PAPOLA: variants seen among roughly 807,000 people sequenced by gnomAD.
PAPOLA encodes polynucleotide adenylyltransferase alpha.
In PAPOLA, 15 loss-of-function variants were observed where a neutral mutation model predicts 100.6. The observed-to-expected ratio is 0.15, with a 90% CI of 0.10 to 0.23. PAPOLA has a LOEUF of 0.23. PAPOLA is among the 10% of genes least tolerant of loss of function. The pLI is 1.00. For synonymous variants in PAPOLA, 293 were observed against 300.0 expected, an observed-to-expected ratio of 0.98 and a Z score of 0.24; for missense variants, 533 against 884.2, an observed-to-expected ratio of 0.60 and a Z score of 5.04.
At position 96,566,268 on chromosome 14, in the gene PAPOLA, A is replaced by G. The variant is rs1225651455; in HGVS notation, c.*1218A>G. 9.9e-6 allele frequency: 2 copies of G among 202,794 alleles called. No homozygotes were observed. Among genetic ancestry groups the G allele is most frequent in the African/African-American group, 4.6e-5 (2 of 43,702 alleles). The allele number at this position is 202,794 out of a possible 1,614,324, so 12.6% of individuals were successfully genotyped here. A position where few individuals can be genotyped will look rare whatever the true frequency, so the allele number is the denominator to read the frequency against. ...ATTTTAAAAATCATTTCTAGCAAGC[A>G]CTTGACATCTAGTCAGCTCTCTACT... On this transcript the variant is annotated 3_prime_UTR_variant, in exon 22 of 22. Coordinates refer to ENST00000216277, the MANE Select transcript of PAPOLA (RefSeq NM_032632.5).
At position 96,532,284 on chromosome 14, in the gene PAPOLA, TTGTGTGTGTGTG is replaced by T. The variant is rs10533972; in HGVS notation, c.608-35_608-24del. Reference sequence around the variant, plus strand: ...TTGTTTTTTTTTGTTTTGTTTTGTTTTGTGTGTGTGTGTGTGTGTGTGTTTTTTTTTACCCCT... The same window carrying T: ...TTGTTTTTTTTTGTTTTGTTTTGTTTTGTGTGTGTGTTTTTTTTTACCCCT... On this transcript the variant is annotated intron_variant, in intron 7 of 21. Transcript: ENST00000216277. The T allele has an allele frequency of 2.1e-6, 3 of 1,431,890 alleles. No homozygotes were observed. In the Middle Eastern group the frequency reaches 5.9e-4, roughly 281 times the overall value. 88.7% of individuals were successfully genotyped at this position (1,431,890 alleles called of 1,614,324 possible). A position where few individuals can be genotyped will look rare whatever the true frequency, so the allele number is the denominator to read the frequency against.
Position 96,566,193 on chromosome 14 carries a change from A to T in PAPOLA, c.*1143A>T, listed in dbSNP as rs1273457529. 3.0e-6 allele frequency: 1 copy of T among 335,984 alleles called. No individual in the cohort carries two copies. The highest frequency in any genetic ancestry group is 2.1e-5 in the African/African-American group (1 of 47,356). 20.8% of individuals were successfully genotyped at this position (335,984 alleles called of 1,614,324 possible). ...CTCCAAGATTTTAAAACTAATTCTT[A>T]TTTTTAAATGGTTTACCAAAATTTG... On this transcript the variant is annotated 3_prime_UTR_variant, in exon 22 of 22. Transcript: ENST00000216277.
intron 1 of PAPOLA, among the ~76,000 whole-genome samples, chr14:96,510,711 A>T (rs1243283021): frequency 6.6e-6 from 1 of 152,204 alleles, no homozygotes; most frequent in East Asian, 1.9e-4. Flanking sequence ...TATTGGCTGG[A>T]TGGCCCACCT....
At chr14:96,542,039 T>C in intron 12 of PAPOLA, 1 of 370,962 alleles carries the variant, frequency 2.7e-6, no homozygotes, top group Non-Finnish European at 4.9e-6. Context: ...ATAAAGTCAC[T>C]GCCTTTTTCA....
intron 1 of PAPOLA, 174 bp downstream of exon 1, chr14:96,502,774 C>T (rs1896387196): frequency 4.1e-6 from 2 of 488,146 alleles, no homozygotes; most frequent in African/African-American, 9.8e-5. Context: ...GCCGCACTTC[C>T]CCCCGTGTGC....
At chr14:96,556,439 T>G in intron 19 of PAPOLA, 26 bp downstream of exon 19, 1 of 1,431,888 alleles carries the variant, frequency 7.0e-7, no homozygotes, top group East Asian at 2.3e-5. Context: ...ACATATTAGT[T>G]AGCCATGGCA....
Position 96,502,911 on chromosome 14 carries a change from A to C in PAPOLA, c.8+311A>C, listed in dbSNP as rs1029252609. The C allele has an allele frequency of 1.2e-4, 47 of 376,242 alleles. 1 individual carries two copies. Among genetic ancestry groups the C allele is most frequent in the Admixed American group, 9.0e-5 (2 of 22,314 alleles). The allele number at this position is 376,242 out of a possible 1,614,324, so 23.3% of individuals were successfully genotyped here. On this transcript the variant is annotated intron_variant, in intron 1 of 21. Transcript: ENST00000216277. ...CCACTCCAGCTTCTCCGCCCCGTCC[A>C]CAAAGAAAATCAAAACAACCCGAAA...
intron 17 of PAPOLA, chr14:96,553,391 G>A (rs1006989360): frequency 6.6e-6 from 1 of 152,244 alleles, no homozygotes; most frequent in Non-Finnish European, 1.5e-5. Flanking sequence ...TGCACCTGTA[G>A]TCGTGGCCAC....
intron 13 of PAPOLA, 55 bp from the exon 14 acceptor site, chr14:96,542,719 A>G (rs1566857094): frequency 6.6e-7 from 1 of 1,521,722 alleles, no homozygotes; most frequent in Non-Finnish European, 8.9e-7. Flanking sequence ...CATTTTATTT[A>G]TTTATTTTTA....
At chr14:96,531,400 G>T (rs767349699) in intron 6 of PAPOLA, 75 bp from the exon 7 acceptor site, 1 of 1,183,924 alleles carries the variant, frequency 8.4e-7, no homozygotes, top group Non-Finnish European at 1.2e-6. Context: ...GGGATTTTTT[G>T]TTTGTTTGTT....
At chr14:96,502,711 C>T in intron 1 of PAPOLA, 111 bp downstream of exon 1, 3 of 1,221,234 alleles carry the variant, frequency 2.5e-6, no homozygotes, top group Non-Finnish European at 3.4e-6. Context: ...ACCCTCCCCG[C>T]TGGTAGGAGG....
intron 17 of PAPOLA, among the ~76,000 whole-genome samples, chr14:96,555,111 C>G (rs1901194034): frequency 6.6e-6 from 1 of 151,694 alleles, no homozygotes. Context: ...AGGTCTTTAA[C>G]TGGGCCACTG....
At position 96,502,557 on chromosome 14, in the gene PAPOLA, G is replaced by T; in HGVS notation, c.-36G>T. ...AGGGCGGCAGCGGCGGCGGTTGCGGGGGGGAAGTGACTGGGCGGTGCCGGC... is the reference window on the plus strand; with the variant it reads ...AGGGCGGCAGCGGCGGCGGTTGCGGTGGGGAAGTGACTGGGCGGTGCCGGC... On this transcript the variant is annotated 5_prime_UTR_variant, in exon 1 of 22. Transcript: ENST00000216277. 1 of 1,532,486 alleles carries T rather than the reference G, an allele frequency of 6.5e-7. No homozygotes were observed. The allele number at this position is 1,532,486 out of a possible 1,614,324, so 94.9% of individuals were successfully genotyped here. A position where few individuals can be genotyped will look rare whatever the true frequency, so the allele number is the denominator to read the frequency against.
At chr14:96,526,362 C>G (rs2140270985) in intron 4 of PAPOLA, 1 of 152,390 alleles carries the variant, frequency 6.6e-6, no homozygotes, top group East Asian at 1.9e-4. Context: ...GTCTTTGGGT[C>G]TTGCTCTGTT....
chr14:96,541,350 G>T (rs1283972168), intron 12 of PAPOLA, among the ~76,000 whole-genome samples: 3 of 152,108 alleles, frequency 2.0e-5, no homozygotes, highest in Non-Finnish European at 4.4e-5. Flanking sequence ...TTAAAATTGT[G>T]GTTATACTGC....
chr14:96,522,388 G>C (rs1359637536), intron 3 of PAPOLA, among the ~76,000 whole-genome samples: 1 of 151,682 alleles, frequency 6.6e-6, no homozygotes, highest in African/African-American at 2.4e-5. Flanking sequence ...CAAAGTGCTG[G>C]GATTACAGGC....
intron 4 of PAPOLA, chr14:96,526,193 A>G (rs535470415): frequency 6.6e-6 from 1 of 152,230 alleles, no homozygotes; most frequent in African/African-American, 2.4e-5. Flanking sequence ...TCTTTCACTG[A>G]GTACTGAGAT....
chr14:96,512,841 A>G (rs1595500028), intron 1 of PAPOLA, among the ~76,000 whole-genome samples: 1 of 152,348 alleles, frequency 6.6e-6, no homozygotes, highest in East Asian at 1.9e-4. Flanking sequence ...GTTCTGTGAG[A>G]AAGGTTCAAA....
At chr14:96,535,573 T>G in intron 10 of PAPOLA, 2 of 1,029,650 alleles carry the variant, frequency 1.9e-6, no homozygotes, top group Non-Finnish European at 2.3e-6. Flanking sequence ...TTTCTGTTGT[T>G]GAATAAAGAA....
Sources: gnomAD v4.1 joint callset for allele counts (sites outside exome capture counted in the v4.1 genomes callset) on GRCh38, gnomAD v4.1.1 for gene constraint, MANE v1.5 for transcripts, NCBI Gene and HGNC (gene_info 2026-07-23, HGNC 2026-07-21) for gene names.